THAP6: variants seen among roughly 807,000 people sequenced by gnomAD.
THAP6 encodes THAP domain containing 6.
THAP6 carries 13 observed loss-of-function variants against 20.0 expected under a neutral mutation model. That is an observed-to-expected ratio of 0.65 (90% CI 0.42 to 1.03). The LOEUF (loss-of-function observed/expected upper bound fraction) is 1.03, where lower values mean the gene tolerates loss of function less well. THAP6 is among the 50% of genes least tolerant of loss of function. The probability of loss-of-function intolerance (pLI) is 0.00; values close to 1 mark genes in which losing one functional copy is unlikely to be tolerated. For missense variants in THAP6, 262 were observed against 261.6 expected, an observed-to-expected ratio of 1.00 and a Z score of -0.01; for synonymous variants, 93 against 92.2, an observed-to-expected ratio of 1.01 and a Z score of -0.05.
upstream of THAP6, chr4:75,514,396 G>T: frequency 3.2e-6 from 4 of 1,268,280 alleles, no homozygotes; most frequent in South Asian, 1.4e-5. Flanking sequence ...GGCCACTAGC[G>T]ACAATATGGC....
chr4:75,530,740 A>G (rs1028061576), downstream of THAP6, among the ~76,000 whole-genome samples: 3 of 152,190 alleles, frequency 2.0e-5, no homozygotes, highest in Non-Finnish European at 2.9e-5. Flanking sequence ...CATGCACCCA[A>G]TGGTTGTATG....
rs531963591 is a variant in THAP6 at position 75,527,825 on chromosome 4, C to T, written c.*611C>T. 8 of 986,014 alleles carry T rather than the reference C, an allele frequency of 8.1e-6. No individual in the cohort carries two copies. The highest frequency in any genetic ancestry group is 9.4e-5 in the South Asian group (2 of 21,302). The allele number at this position is 986,014 out of a possible 1,614,324, so 61.1% of individuals were successfully genotyped here. On this transcript the variant is annotated 3_prime_UTR_variant, in exon 5 of 5. Transcript: ENST00000311638. ...TTTAAGAAGACCCCTCATGAAGTCTCAGTTTTCAGTACAGTACATCATTCC... is the reference window on the plus strand; with the variant it reads ...TTTAAGAAGACCCCTCATGAAGTCTTAGTTTTCAGTACAGTACATCATTCC...
chr4:75,545,695 C>G (rs749218658), intron 3 of THAP6, among the ~76,000 whole-genome samples: 15 of 152,182 alleles, frequency 9.9e-5, no homozygotes, highest in Non-Finnish European at 1.9e-4. Context: ...GCAGCTTCCC[C>G]GGATTACTCA....
downstream of THAP6, among the ~76,000 whole-genome samples, chr4:75,530,331 T>C (rs527308808): frequency 6.6e-6 from 1 of 152,346 alleles, no homozygotes; most frequent in East Asian, 1.9e-4. Context: ...TGTCAGGCAT[T>C]GTGCTTTCTT....
intron 3 of THAP6, 127 bp downstream of exon 3, chr4:75,517,106 C>T (rs1041210594): frequency 1.5e-6 from 1 of 687,712 alleles, no homozygotes; most frequent in South Asian, 2.2e-5. Flanking sequence ...GCAATCTCTG[C>T]CTCCAGGGTT....
At chr4:75,543,211 C>T (rs55708633) in intron 3 of THAP6, among the ~76,000 whole-genome samples, 5,503 of 152,258 alleles carry the variant, frequency 0.036, 348 homozygotes, top group African/African-American at 0.12. Flanking sequence ...TAATCAAATA[C>T]AAGAGCATAA....
At chr4:75,534,911 C>T (rs1224507060), downstream of THAP6, among the ~76,000 whole-genome samples, 1 of 152,180 alleles carries the variant, frequency 6.6e-6, no homozygotes, top group Non-Finnish European at 1.5e-5. Flanking sequence ...CAGGAAACGA[C>T]AGGTGCTGGA....
Position 75,528,880 on chromosome 4 carries a change from C to T in THAP6, c.*1666C>T, listed in dbSNP as rs1726546640. 1 of 669,288 alleles carries T rather than the reference C, an allele frequency of 1.5e-6. No individual in the cohort carries two copies. The highest frequency in any genetic ancestry group is 6.3e-5 in the Admixed American group (1 of 15,818). 41.5% of individuals were successfully genotyped at this position (669,288 alleles called of 1,614,324 possible). A position where few individuals can be genotyped will look rare whatever the true frequency, so the allele number is the denominator to read the frequency against. ...CCTGGCCAAGATGGTGAAACCCCAT[C>T]TCTGCTAAAAATACAAAAAAAAATT... On this transcript the variant is annotated 3_prime_UTR_variant, in exon 5 of 5. Coordinates refer to ENST00000311638, the MANE Select transcript of THAP6 (RefSeq NM_144721.6).
At chr4:75,515,945 C>G (rs755852660) in intron 2 of THAP6, among the ~76,000 whole-genome samples, 1 of 152,150 alleles carries the variant, frequency 6.6e-6, no homozygotes, top group Non-Finnish European at 1.5e-5. Context: ...AAGTTAAGAC[C>G]AAGGGATCTT....
At chr4:75,537,937 C>A (rs1726908281) in intron 2 of THAP6, among the ~76,000 whole-genome samples, 1 of 152,182 alleles carries the variant, frequency 6.6e-6, no homozygotes, top group African/African-American at 2.4e-5. Context: ...AGATTTTGGA[C>A]CTCCAGAACA....
intron 3 of THAP6, among the ~76,000 whole-genome samples, chr4:75,519,731 T>A (rs1302313442): frequency 2.0e-5 from 3 of 152,002 alleles, no homozygotes; most frequent in South Asian, 2.1e-4. Flanking sequence ...TCTATCATTG[T>A]TGGACATTTG....
In THAP6 at chr4:75,527,954, A is replaced by G; in HGVS notation, c.*740A>G. 4 of 985,442 alleles carry G rather than the reference A, an allele frequency of 4.1e-6. No individual in the cohort carries two copies. The highest frequency in any genetic ancestry group is 4.8e-6 in the Non-Finnish European group (4 of 829,914). The allele number at this position is 985,442 out of a possible 1,614,324, so 61.0% of individuals were successfully genotyped here. On this transcript the variant is annotated 3_prime_UTR_variant, in exon 5 of 5. Coordinates refer to ENST00000311638, the MANE Select transcript of THAP6 (RefSeq NM_144721.6). Reference sequence around the variant, plus strand: ...GTTGGTTGCTCTGACAGATCTGAACACTTTGCTTCATGACTATTTCGTCAT... The same window carrying G: ...GTTGGTTGCTCTGACAGATCTGAACGCTTTGCTTCATGACTATTTCGTCAT...
At chr4:75,533,887 A>G (rs1429181788), downstream of THAP6, among the ~76,000 whole-genome samples, 2 of 151,952 alleles carry the variant, frequency 1.3e-5, no homozygotes, top group African/African-American at 4.8e-5. Context: ...CATTATGTAT[A>G]TATCCTAATG....
intron 2 of THAP6, chr4:75,539,738 G>T: frequency 4.3e-6 from 6 of 1,406,534 alleles, no homozygotes; most frequent in Non-Finnish European, 5.6e-6. Flanking sequence ...TTACAAAGTA[G>T]ACAATAGCAC....
intron 3 of THAP6, among the ~76,000 whole-genome samples, chr4:75,546,705 G>A (rs1422683051): frequency 2.6e-5 from 4 of 152,172 alleles, no homozygotes; most frequent in Non-Finnish European, 5.9e-5. Flanking sequence ...ACTCAGAGAA[G>A]AGCCTATACT....
In THAP6 at chr4:75,527,440, G is replaced by T. The variant is rs1463285224; in HGVS notation, c.*226G>T. The T allele has an allele frequency of 7.5e-7, 1 of 1,328,126 alleles. No individual in the cohort carries two copies. The highest frequency in any genetic ancestry group is 9.6e-7 in the Non-Finnish European group (1 of 1,039,892). 82.3% of individuals were successfully genotyped at this position (1,328,126 alleles called of 1,614,324 possible). A position where few individuals can be genotyped will look rare whatever the true frequency, so the allele number is the denominator to read the frequency against. ...AATTATGTTTTATAGACCTACACTA[G>T]TGCCAGGTCACTATTGTAAGATGTT... is the stretch of plus-strand genomic sequence containing the variant. On this transcript the variant is annotated 3_prime_UTR_variant, in exon 5 of 5. Transcript: ENST00000311638.
chr4:75,532,590 T>G (rs1174148018), downstream of THAP6, among the ~76,000 whole-genome samples: 6 of 152,242 alleles, frequency 3.9e-5, no homozygotes, highest in Non-Finnish European at 8.8e-5. Context: ...CCTTCTGCAC[T>G]GCCCTAGCAG....
chr4:75,519,998 C>T (rs1262366061), intron 3 of THAP6, among the ~76,000 whole-genome samples: 1 of 151,530 alleles, frequency 6.6e-6, no homozygotes, highest in Non-Finnish European at 1.5e-5. Context: ...CTGTTGTTTC[C>T]TGACTTTTTA....
At chr4:75,514,462 G>T, upstream of THAP6, 1 of 638,612 alleles carries the variant, frequency 1.6e-6, no homozygotes, top group Non-Finnish European at 2.6e-6. Context: ...CTACGAGGCG[G>T]AAGCGAAGGC....
Sources: allele counts gnomAD v4.1 joint callset (sites outside exome capture counted in the v4.1 genomes callset), GRCh38; gene constraint gnomAD v4.1.1; transcripts MANE v1.5; gene names NCBI Gene and HGNC (gene_info 2026-07-23, HGNC 2026-07-21).